Variants in NPY2R observed in about 807,000 individuals in gnomAD.
The protein encoded by NPY2R is neuropeptide Y receptor Y2.
NPY2R carries 17 observed loss-of-function variants against 22.3 expected under a neutral mutation model. The observed-to-expected ratio is 0.76, with a 90% CI of 0.52 to 1.14. The LOEUF (loss-of-function observed/expected upper bound fraction) is 1.14. Ranked by LOEUF, NPY2R falls within the 50% of genes most tolerant of loss-of-function variation. The pLI is 0.00. For missense variants in NPY2R, 424 were observed against 467.9 expected (o/e 0.91, Z 0.87); for synonymous variants, 209 against 183.4 (o/e 1.14, Z -1.13).
chr4:155,179,097 G>A, the NPY2R span, among the ~76,000 whole-genome samples: 1 of 152,034 alleles, frequency 6.6e-6, no homozygotes, highest in African/African-American at 2.4e-5. Context: ...ATATCTAGAA[G>A]TTATCTTTTT....
the NPY2R span, among the ~76,000 whole-genome samples, chr4:155,186,928 AG>A: frequency 6.6e-6 from 1 of 151,160 alleles, no homozygotes; most frequent in African/African-American, 2.4e-5. Context: ...TTTCCTTAAA[AG>A]TCTAACACAT....
the NPY2R span, among the ~76,000 whole-genome samples, chr4:155,178,199 C>G: frequency 4.1e-4 from 62 of 152,240 alleles, no homozygotes; most frequent in African/African-American, 1.4e-3. Flanking sequence ...TTCCTTGTAT[C>G]TTAACTACTG....
At chr4:155,203,144 C>T in the NPY2R span, among the ~76,000 whole-genome samples, 1 of 151,960 alleles carries the variant, frequency 6.6e-6, no homozygotes, top group Admixed American at 6.6e-5. Flanking sequence ...TTTGAATTTG[C>T]AATTAAAAAC....
At chr4:155,200,754 CAG>C in the NPY2R span, among the ~76,000 whole-genome samples, 1 of 152,068 alleles carries the variant, frequency 6.6e-6, no homozygotes, top group African/African-American at 2.4e-5. Context: ...AATGCAGGAA[CAG>C]AAAATCAAAC....
chr4:155,186,231 C>T, the NPY2R span, among the ~76,000 whole-genome samples: 2 of 152,072 alleles, frequency 1.3e-5, no homozygotes. Context: ...ATGATTCTGC[C>T]TATATAAAAC....
chr4:155,202,181 G>A, the NPY2R span, among the ~76,000 whole-genome samples: 2 of 152,280 alleles, frequency 1.3e-5, no homozygotes, highest in African/African-American at 4.8e-5. Flanking sequence ...GTATCCCAAT[G>A]CTGGCTAAAG....
the NPY2R span, among the ~76,000 whole-genome samples, chr4:155,197,480 C>G: frequency 3.9e-5 from 6 of 151,920 alleles, no homozygotes; most frequent in Admixed American, 3.9e-4. Flanking sequence ...TACTTTCTTC[C>G]CTTCTTTCCT....
the NPY2R span, among the ~76,000 whole-genome samples, chr4:155,197,753 T>C: frequency 3.3e-5 from 5 of 151,662 alleles, no homozygotes; most frequent in African/African-American, 9.7e-5. Context: ...TGTATAGACA[T>C]GGTCTGAGAG....
At chr4:155,195,412 G>A in the NPY2R span, among the ~76,000 whole-genome samples, 5 of 151,852 alleles carry the variant, frequency 3.3e-5, no homozygotes, top group Non-Finnish European at 5.9e-5. Context: ...CTTAGTGTCC[G>A]GGGCAGAGTC....
At chr4:155,212,472 C>G (rs967564322) in intron 1 of NPY2R, among the ~76,000 whole-genome samples, 5 of 152,150 alleles carry the variant, frequency 3.3e-5, no homozygotes. Context: ...AGTAGAGGTA[C>G]TATCCTCTTG....
the NPY2R span, among the ~76,000 whole-genome samples, chr4:155,174,572 C>A: frequency 6.7e-6 from 1 of 149,376 alleles, no homozygotes; most frequent in African/African-American, 2.5e-5. Flanking sequence ...AAGAAGAGAA[C>A]TTTTACTATA....
At chr4:155,203,043 T>C in the NPY2R span, among the ~76,000 whole-genome samples, 1 of 152,156 alleles carries the variant, frequency 6.6e-6, no homozygotes, top group Non-Finnish European at 1.5e-5. Flanking sequence ...ATTTGGTTCC[T>C]TACTAGTATC....
At chr4:155,212,482 G>T (rs772014379) in intron 1 of NPY2R, among the ~76,000 whole-genome samples, 3 of 152,160 alleles carry the variant, frequency 2.0e-5, no homozygotes, top group Non-Finnish European at 4.4e-5. Context: ...CTATCCTCTT[G>T]TCTTCACCCG....
chr4:155,189,519 T>G, the NPY2R span, among the ~76,000 whole-genome samples: 1 of 152,060 alleles, frequency 6.6e-6, no homozygotes, highest in East Asian at 1.9e-4. Context: ...ATTTTTAAAA[T>G]GTATCTCTTG....
Position 155,216,997 on chromosome 4 carries a change from C to G in NPY2R, c.*1912C>G, listed in dbSNP as rs544173757. ...ATGATTCAATTAACATATATCTTAT[C>G]CAATTCATTATGTCAATTCATTAAT... On this transcript the variant is annotated 3_prime_UTR_variant, in exon 2 of 2. Transcript: ENST00000329476. 6.0e-6 allele frequency: 1 copy of G among 166,948 alleles called. No individual in the cohort carries two copies. Among genetic ancestry groups the G allele is most frequent in the Non-Finnish European group, 1.5e-5 (1 of 68,086 alleles). 10.3% of individuals were successfully genotyped at this position (166,948 alleles called of 1,614,324 possible).
Position 155,215,110 on chromosome 4 carries a change from G to A in NPY2R, c.*25G>A. The A allele has an allele frequency of 6.3e-7, 1 of 1,599,950 alleles. No homozygotes were observed. Among genetic ancestry groups the A allele is most frequent in the Non-Finnish European group, 8.6e-7 (1 of 1,168,726 alleles). On this transcript the variant is annotated 3_prime_UTR_variant, in exon 2 of 2. Transcript: ENST00000329476. ...AGGAAGCTGTGGTGTGAAAATGTAT[G>A]GATGAATTCTGACCAGAGCTATGAA...
the NPY2R span, among the ~76,000 whole-genome samples, chr4:155,194,120 C>T: frequency 2.0e-5 from 3 of 149,944 alleles, no homozygotes; most frequent in Admixed American, 6.6e-5. Context: ...AACTGTATCT[C>T]GACAAAGCTA....
chr4:155,185,734 A>G, the NPY2R span, among the ~76,000 whole-genome samples: 70,723 of 151,414 alleles, frequency 0.47, 17,214 homozygotes, highest in East Asian at 0.69. Context: ...AGTTGTTGAA[A>G]GTTTCTTGTC....
chr4:155,183,089 A>G, the NPY2R span, among the ~76,000 whole-genome samples: 105,961 of 152,046 alleles, frequency 0.7, 38,769 homozygotes, highest in East Asian at 0.93. Flanking sequence ...CACCATGCCC[A>G]GCCGAGCTGT....
Sources: allele counts gnomAD v4.1 joint callset (sites outside exome capture counted in the v4.1 genomes callset), GRCh38; gene constraint gnomAD v4.1.1; transcripts MANE v1.5; gene names NCBI Gene and HGNC (gene_info 2026-07-23, HGNC 2026-07-21).